Variants in ASIC2 observed in about 807,000 individuals in gnomAD.
ASIC2 encodes the protein acid-sensing ion channel 2.
ASIC2 carries 25 observed loss-of-function variants against 57.3 expected under a neutral mutation model. The observed-to-expected ratio is 0.44, with a 90% CI of 0.32 to 0.61. ASIC2 has a LOEUF of 0.61. ASIC2 is among the 20% of genes least tolerant of loss of function. ASIC2 has a pLI of 0.06. For synonymous variants in ASIC2, 319 were observed against 307.5 expected (o/e 1.04, Z -0.39); for missense variants, 641 against 738.1 (o/e 0.87, Z 1.52).
chr17:33,639,121 C>G (rs1032791672), intron 1 of ASIC2, among the ~76,000 whole-genome samples: 4 of 151,708 alleles, frequency 2.6e-5, no homozygotes, highest in Non-Finnish European at 5.9e-5. Flanking sequence ...CCCAACCAGC[C>G]AAGCAGACCA....
chr17:33,647,648 A>G (rs1906786387), intron 1 of ASIC2, among the ~76,000 whole-genome samples: 1 of 152,212 alleles, frequency 6.6e-6, no homozygotes, highest in Non-Finnish European at 1.5e-5. Flanking sequence ...GCACATGTGT[A>G]TATCTGTGCT....
chr17:33,330,687 T>G (rs1907277392), intron 1 of ASIC2, among the ~76,000 whole-genome samples: 1 of 152,150 alleles, frequency 6.6e-6, no homozygotes, highest in African/African-American at 2.4e-5. Context: ...TCCTGCATTG[T>G]GCTCTTGCTG....
At chr17:33,061,453 C>T (rs193261145) in intron 3 of ASIC2, among the ~76,000 whole-genome samples, 1 of 152,080 alleles carries the variant, frequency 6.6e-6, no homozygotes, top group Non-Finnish European at 1.5e-5. Flanking sequence ...TGTTTATATG[C>T]TGGATTACGT....
chr17:33,918,228 CT>C (rs1462226338), intron 1 of ASIC2, among the ~76,000 whole-genome samples: 3 of 152,138 alleles, frequency 2.0e-5, no homozygotes, highest in African/African-American at 7.2e-5. Flanking sequence ...AAATCTTTTG[CT>C]GATTATCTTG....
rs577835353 is a variant in ASIC2, at chr17:33,610,239, C to T, written c.556-498172G>A. On this transcript the variant is annotated intron_variant, in intron 1 of 9. Coordinates refer to the ASIC2 transcript ENST00000359872. ...GTGGCACGATCTCGGCTTACTGTAA[C>T]CTCCAGCTCCTGGGTTCAAGCAATT... Among the ~76,000 whole-genome samples, 15 of 152,294 alleles carry T rather than the reference C, an allele frequency of 9.8e-5. No individual in the cohort carries two copies. In the South Asian group the frequency reaches 3.1e-3, roughly 32 times the overall value.
At chr17:33,517,251 G>C (rs992250664) in intron 1 of ASIC2, among the ~76,000 whole-genome samples, 1 of 152,156 alleles carries the variant, frequency 6.6e-6, no homozygotes, top group Non-Finnish European at 1.5e-5. Flanking sequence ...GCGTAGCTGG[G>C]ATTACAGGCA....
intron 1 of ASIC2, among the ~76,000 whole-genome samples, chr17:33,965,327 GT>G (rs113257041): frequency 2.1e-3 from 326 of 152,270 alleles, no homozygotes; most frequent in African/African-American, 7.2e-3. Flanking sequence ...ATATTCCACT[GT>G]GGATTTTTTT....
intron 1 of ASIC2, among the ~76,000 whole-genome samples, chr17:33,631,202 C>G (rs947869806): frequency 6.6e-6 from 1 of 152,112 alleles, no homozygotes; most frequent in African/African-American, 2.4e-5. Flanking sequence ...CTAAGGGAAG[C>G]AATTATTGGA....
intron 3 of ASIC2, among the ~76,000 whole-genome samples, chr17:33,077,799 C>T (rs2092095483): frequency 6.6e-6 from 1 of 152,054 alleles, no homozygotes. Flanking sequence ...TTTTTCAGAC[C>T]CCTCCTTCCC....
At chr17:33,711,214 G>A (rs1324132808) in intron 1 of ASIC2, among the ~76,000 whole-genome samples, 2 of 152,218 alleles carry the variant, frequency 1.3e-5, no homozygotes, top group African/African-American at 4.8e-5. Context: ...CCAGCCTGGA[G>A]CCCATTCTTT....
At chr17:33,375,770 G>A (rs1420480724) in intron 1 of ASIC2, among the ~76,000 whole-genome samples, 1 of 152,148 alleles carries the variant, frequency 6.6e-6, no homozygotes, top group East Asian at 1.9e-4. Flanking sequence ...TGCTAATGGA[G>A]GTAGCAATGC....
intron 1 of ASIC2, among the ~76,000 whole-genome samples, chr17:33,948,402 T>C (rs982447470): frequency 6.6e-6 from 1 of 152,190 alleles, no homozygotes; most frequent in Non-Finnish European, 1.5e-5. Context: ...GCCTGGCCCT[T>C]TGCAGAACTG....
chr17:33,699,036 C>G (rs1908616339), intron 1 of ASIC2, among the ~76,000 whole-genome samples: 1 of 152,088 alleles, frequency 6.6e-6, no homozygotes, highest in African/African-American at 2.4e-5. Context: ...ATAGGAGTTT[C>G]CTAAAGGGGT....
chr17:33,892,371 G>C (rs1007938303), intron 1 of ASIC2, among the ~76,000 whole-genome samples: 1 of 152,124 alleles, frequency 6.6e-6, no homozygotes, highest in African/African-American at 2.4e-5. Flanking sequence ...TGGGGAATAA[G>C]GATCCCAGAC....
At chr17:33,021,164 C>T (rs903544317) in intron 7 of ASIC2, 55 bp downstream of exon 7, 17 of 648,166 alleles carry the variant, frequency 2.6e-5, no homozygotes, top group Non-Finnish European at 4.6e-5. Flanking sequence ...GTGCATCCTC[C>T]CTCCCTCCCA....
At chr17:34,122,533 C>T (rs1431434574) in intron 1 of ASIC2, among the ~76,000 whole-genome samples, 2 of 152,198 alleles carry the variant, frequency 1.3e-5, no homozygotes, top group East Asian at 1.9e-4. Flanking sequence ...GGTCCTCATC[C>T]GTCACACCCA....
intron 1 of ASIC2, among the ~76,000 whole-genome samples, chr17:33,642,325 G>T (rs1331961460): frequency 1.3e-5 from 2 of 151,868 alleles, no homozygotes; most frequent in African/African-American, 2.4e-5. Context: ...AGTCTCCCCA[G>T]ACTGAGTCAG....
intron 1 of ASIC2, among the ~76,000 whole-genome samples, chr17:33,442,479 CTT>C (rs1911859684): frequency 6.6e-6 from 1 of 152,046 alleles, no homozygotes; most frequent in Admixed American, 6.5e-5. Context: ...TTTTGCATGT[CTT>C]TTGTTAAATT....
chr17:33,068,701 C>T (rs1312042215), intron 3 of ASIC2, among the ~76,000 whole-genome samples: 2 of 152,052 alleles, frequency 1.3e-5, no homozygotes, highest in Non-Finnish European at 1.5e-5. Flanking sequence ...TGCTGTGTTG[C>T]CTCTCTCACT....
Sources: allele counts gnomAD v4.1 joint callset (sites outside exome capture counted in the v4.1 genomes callset), GRCh38; gene constraint gnomAD v4.1.1; transcripts MANE v1.5; gene names NCBI Gene and HGNC (gene_info 2026-07-23, HGNC 2026-07-21).